Variants in PHACTR4 observed in about 807,000 individuals in gnomAD.
The protein encoded by PHACTR4 is phosphatase and actin regulator 4.
Under a neutral mutation model 72.7 loss-of-function variants are expected in PHACTR4, and 51 were observed. That is an observed-to-expected ratio of 0.70 (90% CI 0.56 to 0.89). The LOEUF (loss-of-function observed/expected upper bound fraction) is 0.89, where lower values mean the gene tolerates loss of function less well. PHACTR4 is among the 40% of genes least tolerant of loss of function. The pLI, the probability that PHACTR4 is intolerant of heterozygous loss-of-function variation, is 0.00. For synonymous variants in PHACTR4, 255 were observed against 302.5 expected (o/e 0.84, Z 1.63); for missense variants, 731 against 861.8 (o/e 0.85, Z 1.90).
chr1:28,425,003 G>C (rs1044921628), intron 2 of PHACTR4, among the ~76,000 whole-genome samples: 6 of 151,922 alleles, frequency 3.9e-5, no homozygotes, highest in African/African-American at 1.2e-4. Context: ...CTGTTGGTCA[G>C]GCTGGTCTCG....
chr1:28,485,756 G>A (rs1455672520), intron 9 of PHACTR4, among the ~76,000 whole-genome samples: 4 of 151,212 alleles, frequency 2.6e-5, no homozygotes, highest in East Asian at 1.9e-4. Flanking sequence ...AAAATTAGCC[G>A]GGTGTGGTGG....
intron 2 of PHACTR4, among the ~76,000 whole-genome samples, chr1:28,433,418 G>A (rs548194388): frequency 6.6e-6 from 1 of 151,578 alleles, no homozygotes; most frequent in African/African-American, 2.4e-5. Context: ...TTGGCACATA[G>A]GCAACAGACT....
chr1:28,416,536 G>T (rs2124321568), intron 2 of PHACTR4, among the ~76,000 whole-genome samples: 1 of 152,340 alleles, frequency 6.6e-6, no homozygotes, highest in East Asian at 1.9e-4. Context: ...TGTAGTAGTA[G>T]TAGTAGAAGC....
At chr1:28,443,173 T>C (rs777066306) in intron 2 of PHACTR4, among the ~76,000 whole-genome samples, 1 of 152,164 alleles carries the variant, frequency 6.6e-6, no homozygotes, top group Non-Finnish European at 1.5e-5. Flanking sequence ...AGTGAGAACA[T>C]GTGGTGTTAA....
At chr1:28,397,198 C>T (rs1202645382) in intron 1 of PHACTR4, among the ~76,000 whole-genome samples, 2 of 151,916 alleles carry the variant, frequency 1.3e-5, no homozygotes, top group African/African-American at 4.8e-5. Flanking sequence ...TTAAGACTGC[C>T]AACTATATGC....
chr1:28,401,460 C>T (rs1653941877), intron 1 of PHACTR4, among the ~76,000 whole-genome samples: 1 of 152,078 alleles, frequency 6.6e-6, no homozygotes, highest in East Asian at 1.9e-4. Flanking sequence ...GCGCCCGCCA[C>T]CATGCCCGGC....
chr1:28,476,541 T>A (rs1284191183), intron 8 of PHACTR4, among the ~76,000 whole-genome samples: 1 of 150,642 alleles, frequency 6.6e-6, no homozygotes, highest in Non-Finnish European at 1.5e-5. Context: ...TTTTTTGTTT[T>A]AATTTTTTTT....
At chr1:28,486,147 G>A (rs1190706637) in intron 9 of PHACTR4, among the ~76,000 whole-genome samples, 1 of 151,740 alleles carries the variant, frequency 6.6e-6, no homozygotes, top group Non-Finnish European at 1.5e-5. Flanking sequence ...ACCTGAGGTT[G>A]GGAGTTCGAG....
At chr1:28,452,669 G>C (rs1328125995) in intron 2 of PHACTR4, among the ~76,000 whole-genome samples, 1 of 151,592 alleles carries the variant, frequency 6.6e-6, no homozygotes, top group Non-Finnish European at 1.5e-5. Flanking sequence ...GGTGGTACAC[G>C]CCTATAGTCC....
At chr1:28,385,614 A>AATTT (rs1557777975) in intron 1 of PHACTR4, among the ~76,000 whole-genome samples, 1 of 126,938 alleles carries the variant, frequency 7.9e-6, no homozygotes. Flanking sequence ...TTTTAAGTGA[A>AATTT]TTTTTTTTTT....
At chr1:28,374,604 T>C (rs1312564765) in intron 1 of PHACTR4, among the ~76,000 whole-genome samples, 2 of 151,580 alleles carry the variant, frequency 1.3e-5, no homozygotes, top group Non-Finnish European at 2.9e-5. Flanking sequence ...AAAGAACTTT[T>C]TTTCCTTGTG....
intron 5 of PHACTR4, 47 bp from the exon 6 acceptor site, chr1:28,466,335 C>CTTG (rs1659164958): frequency 1.9e-6 from 3 of 1,545,206 alleles, no homozygotes; most frequent in Non-Finnish European, 2.6e-6. Flanking sequence ...TTCAGTTTCT[C>CTTG]TTGTTACTCT....
intron 2 of PHACTR4, among the ~76,000 whole-genome samples, chr1:28,433,429 T>C (rs908189913): frequency 5.3e-5 from 8 of 151,550 alleles, no homozygotes; most frequent in African/African-American, 1.7e-4. Flanking sequence ...GCAACAGACT[T>C]AGCATTTCTT....
intron 13 of PHACTR4, among the ~76,000 whole-genome samples, chr1:28,493,672 G>T (rs1209101849): frequency 6.6e-6 from 1 of 152,128 alleles, no homozygotes; most frequent in African/African-American, 2.4e-5. Context: ...GCTCACAATG[G>T]TTAAGTAACT....
intron 2 of PHACTR4, among the ~76,000 whole-genome samples, chr1:28,424,875 C>T (rs1489559806): frequency 1.3e-5 from 2 of 151,708 alleles, no homozygotes; most frequent in Non-Finnish European, 2.9e-5. Context: ...CTCACTGCAA[C>T]CTCTTCCTCC....
chr1:28,388,804 CAT>C (rs1652778692), intron 1 of PHACTR4, among the ~76,000 whole-genome samples: 1 of 151,910 alleles, frequency 6.6e-6, no homozygotes, highest in African/African-American at 2.4e-5. Context: ...GAGCTGAGAT[CAT>C]GCCATTGTAC....
At chr1:28,442,179 T>C (rs531767087) in intron 2 of PHACTR4, among the ~76,000 whole-genome samples, 4 of 152,104 alleles carry the variant, frequency 2.6e-5, no homozygotes, top group African/African-American at 4.8e-5. Flanking sequence ...TTAAATGTAT[T>C]TTTTTGGCTG....
intron 8 of PHACTR4, among the ~76,000 whole-genome samples, chr1:28,478,673 C>T (rs909921411): frequency 4.3e-4 from 65 of 152,172 alleles, no homozygotes; most frequent in Non-Finnish European, 9.0e-4. Context: ...CTGGGATGGT[C>T]TTGATCTCTT....
intron 2 of PHACTR4, among the ~76,000 whole-genome samples, chr1:28,413,383 C>T (rs1654905355): frequency 6.6e-6 from 1 of 152,146 alleles, no homozygotes; most frequent in African/African-American, 2.4e-5. Context: ...AGGTGGTACG[C>T]AACTGTCATC....
Sources: allele counts gnomAD v4.1 joint callset (sites outside exome capture counted in the v4.1 genomes callset), GRCh38; gene constraint gnomAD v4.1.1; transcripts MANE v1.5; gene names NCBI Gene and HGNC (gene_info 2026-07-23, HGNC 2026-07-21).